UBE2Q2: variants seen among roughly 807,000 people sequenced by gnomAD.
The protein encoded by UBE2Q2 is ubiquitin conjugating enzyme E2 Q2.
In UBE2Q2, 54 loss-of-function variants were observed where a neutral mutation model predicts 59.9. That is an observed-to-expected ratio of 0.90 (90% CI 0.72 to 1.13). The LOEUF is 1.13. Ranked by LOEUF, UBE2Q2 falls within the 50% of genes most tolerant of loss-of-function variation. The pLI is 0.00. For missense variants in UBE2Q2, 433 were observed against 441.9 expected (o/e 0.98, Z 0.18); for synonymous variants, 165 against 155.2 (o/e 1.06, Z -0.47).
intron 11 of UBE2Q2, among the ~76,000 whole-genome samples, chr15:75,891,237 T>C (rs1293827109): frequency 6.6e-6 from 1 of 152,134 alleles, no homozygotes; most frequent in Non-Finnish European, 1.5e-5. Flanking sequence ...TTTAGTCTGT[T>C]ATATTTGCTG....
chr15:75,849,514 G>T (rs1336030618), intron 1 of UBE2Q2, among the ~76,000 whole-genome samples: 2 of 152,190 alleles, frequency 1.3e-5, no homozygotes, highest in Non-Finnish European at 2.9e-5. Context: ...GATACAGAAA[G>T]TTACTTCTAA....
At position 75,891,017 on chromosome 15, in the gene UBE2Q2, A is replaced by T; in HGVS notation, c.1029+3A>T. ...GAGTGCAGTTTGGAGCAAATAAGGTACTTCTGTTAAGAATTTTACATAAAC... is the reference window on the plus strand; with the variant it reads ...GAGTGCAGTTTGGAGCAAATAAGGTTCTTCTGTTAAGAATTTTACATAAAC... On this transcript the variant is annotated splice_donor_region_variant and intron_variant, in intron 11 of 12. Transcript: ENST00000267938. The T allele has an allele frequency of 6.2e-7, 1 of 1,608,378 alleles. No individual in the cohort carries two copies. The highest frequency in any genetic ancestry group is 8.5e-7 in the Non-Finnish European group (1 of 1,176,626).
intron 3 of UBE2Q2, among the ~76,000 whole-genome samples, chr15:75,866,240 A>G (rs1808168936): frequency 6.6e-6 from 1 of 151,780 alleles, no homozygotes; most frequent in African/African-American, 2.4e-5. Context: ...TGGTGTGATC[A>G]CAGCTCACTG....
At chr15:75,856,622 T>C (rs1249532834) in intron 2 of UBE2Q2, among the ~76,000 whole-genome samples, 1 of 140,564 alleles carries the variant, frequency 7.1e-6, no homozygotes, top group African/African-American at 2.9e-5. Flanking sequence ...AAGTTATAGT[T>C]GTATAGTTGG....
intron 3 of UBE2Q2, among the ~76,000 whole-genome samples, chr15:75,863,460 T>C (rs1157896753): frequency 1.3e-5 from 2 of 151,990 alleles, no homozygotes; most frequent in Non-Finnish European, 2.9e-5. Context: ...TTTCTTTTTT[T>C]TTTTTGACGG....
chr15:75,843,603 G>GGCCCGGCTCCCCTTCCGC lies in UBE2Q2; in HGVS notation c.-41_-24dup, dbSNP rs890546015. ...GGTCGCGGCCGTGACGGCGGCTCCGGGCCCGGCTCCCCTTCCGCGCCCGGC... is the reference window on the plus strand; with the variant it reads ...GGTCGCGGCCGTGACGGCGGCTCCGGGCCCGGCTCCCCTTCCGCGCCCGGCTCCCCTTCCGCGCCCGGC... On this transcript the variant is annotated 5_prime_UTR_variant, in exon 1 of 13. Coordinates refer to ENST00000267938, the MANE Select transcript of UBE2Q2 (RefSeq NM_173469.4). 8.8e-5 allele frequency: 128 copies of GGCCCGGCTCCCCTTCCGC among 1,454,300 alleles called. 1 individual carries two copies. Among genetic ancestry groups the GGCCCGGCTCCCCTTCCGC allele is most frequent in the Admixed American group, 2.6e-4 (11 of 42,836 alleles). 90.1% of individuals were successfully genotyped at this position (1,454,300 alleles called of 1,614,324 possible).
At chr15:75,855,074 C>T (rs1896831097) in intron 2 of UBE2Q2, among the ~76,000 whole-genome samples, 1 of 152,094 alleles carries the variant, frequency 6.6e-6, no homozygotes, top group South Asian at 2.1e-4. Flanking sequence ...AATATAACCA[C>T]TGTTGACATG....
rs1379185233 is a variant in UBE2Q2 at position 75,901,045 on chromosome 15, TTTTG to T, written c.*1593_*1596del. ...TTATGAATAAAGAACCATTTAAAAA[TTTTG>T]TTTGTGCTGATCATGGCAAGCAAAA... On this transcript the variant is annotated 3_prime_UTR_variant, in exon 13 of 13. Coordinates refer to ENST00000267938, the MANE Select transcript of UBE2Q2 (RefSeq NM_173469.4). 3.3e-5 allele frequency: 5 copies of T among 152,766 alleles called. No homozygotes were observed. Among genetic ancestry groups the T allele is most frequent in the South Asian group, 2.1e-4 (1 of 4,830 alleles). The allele number at this position is 152,766 out of a possible 1,614,324, so 9.5% of individuals were successfully genotyped here.
chr15:75,869,958 A>T (rs574756023), intron 4 of UBE2Q2, among the ~76,000 whole-genome samples: 229 of 151,468 alleles, frequency 1.5e-3, no homozygotes, highest in African/African-American at 3.4e-3. Context: ...TTAAAAAAAA[A>T]TTTTTTTTTC....
chr15:75,899,644 A>G lies in UBE2Q2; in HGVS notation c.*186A>G, dbSNP rs1899648585. 2 of 438,304 alleles carry G rather than the reference A, an allele frequency of 4.6e-6. No individual in the cohort carries two copies. The highest frequency in any genetic ancestry group is 8.6e-5 in the Admixed American group (2 of 23,378). 27.2% of individuals were successfully genotyped at this position (438,304 alleles called of 1,614,324 possible). On this transcript the variant is annotated 3_prime_UTR_variant, in exon 13 of 13. Transcript: ENST00000267938. ...AGCCTTTGCATTTTGCTCATTTTAG[A>G]TATCTTGGACTGAGCAGTGGGGCCT... is the stretch of plus-strand genomic sequence containing the variant.
chr15:75,873,729 G>A (rs943676232), intron 5 of UBE2Q2, among the ~76,000 whole-genome samples, 161 bp downstream of exon 5: 2 of 152,200 alleles, frequency 1.3e-5, no homozygotes, highest in Non-Finnish European at 2.9e-5. Flanking sequence ...GTCTTGCTCT[G>A]TCGCCTAGGC....
At chr15:75,876,811 A>G (rs1207554190) in intron 6 of UBE2Q2, among the ~76,000 whole-genome samples, 1 of 152,178 alleles carries the variant, frequency 6.6e-6, no homozygotes, top group African/African-American at 2.4e-5. Flanking sequence ...AAATTCTCAT[A>G]TTGTTATGGA....
intron 1 of UBE2Q2, among the ~76,000 whole-genome samples, chr15:75,851,521 A>C (rs746895902): frequency 6.6e-6 from 1 of 152,142 alleles, no homozygotes; most frequent in Non-Finnish European, 1.5e-5. Context: ...GGTGGATACA[A>C]GTTTTCAAAA....
intron 12 of UBE2Q2, among the ~76,000 whole-genome samples, chr15:75,898,161 A>G (rs1260989291): frequency 6.6e-6 from 1 of 152,178 alleles, no homozygotes; most frequent in Non-Finnish European, 1.5e-5. Context: ...GCCTTTTTAT[A>G]GAGAGCTTAG....
At chr15:75,865,808 T>G (rs1158785629) in intron 3 of UBE2Q2, among the ~76,000 whole-genome samples, 4 of 152,078 alleles carry the variant, frequency 2.6e-5, no homozygotes, top group African/African-American at 4.8e-5. Context: ...CTGGTTGTTT[T>G]TTTTTTTTTT....
At position 75,883,855 on chromosome 15, in the gene UBE2Q2, C is replaced by T. The variant is rs1013913943; in HGVS notation, c.884+431C>T. 6.2e-4 allele frequency among the ~76,000 whole-genome samples: 36 copies of T among 57,996 alleles called. 1 individual carries two copies. Among genetic ancestry groups the T allele is most frequent in the South Asian group, 4.8e-3 (7 of 1,452 alleles). The allele number at this position is 57,996 out of a possible 152,430, so 38.0% of individuals were successfully genotyped here. ...ATTTATACATACACACACACACACA[C>T]ACACACACACGTATATATACGCACA... On this transcript the variant is annotated intron_variant, in intron 9 of 12. Transcript: ENST00000267938.
intron 8 of UBE2Q2, among the ~76,000 whole-genome samples, chr15:75,882,097 T>C (rs1898463130): frequency 1.3e-5 from 2 of 152,202 alleles, no homozygotes; most frequent in Non-Finnish European, 2.9e-5. Context: ...ATGAAACTAG[T>C]AAGTCAAATT....
In UBE2Q2 at chr15:75,876,250, A is replaced by G. The variant is rs765968391; in HGVS notation, c.652A>G (p.Arg218Gly). The G allele has an allele frequency of 1.2e-6, 2 of 1,613,536 alleles. No individual in the cohort carries two copies. Among genetic ancestry groups the G allele is most frequent in the Non-Finnish European group, 8.5e-7 (1 of 1,179,644 alleles). ...TATGAAAGAGCTCAGGGACATATAC[A>G]GATCACAGAGTTATAAAACAGGTAA... The part of the protein sequence containing the change: ...RLMKELRDIY[R>G]SQSYKTGIYS... The change falls in exon 6 of 13, where the codon AGA (arginine) becomes GGA (glycine). Residue 218 changes from arginine (R) to glycine (G), a missense_variant. Physicochemically the swap from Arg to Gly is moderately radical, Grantham distance 125 (BLOSUM62 -2). Transcript: ENST00000267938.
intron 1 of UBE2Q2, among the ~76,000 whole-genome samples, chr15:75,850,164 G>C (rs1021555934): frequency 3.9e-5 from 6 of 152,092 alleles, no homozygotes; most frequent in Non-Finnish European, 8.8e-5. Context: ...TTCCTGGCGT[G>C]GTGGATATTT....
Sources: allele counts gnomAD v4.1 joint callset (sites outside exome capture counted in the v4.1 genomes callset), GRCh38; gene constraint gnomAD v4.1.1; transcripts MANE v1.5; gene names NCBI Gene and HGNC (gene_info 2026-07-23, HGNC 2026-07-21).